SLC4A10: variants seen among roughly 807,000 people sequenced by gnomAD.
The protein encoded by SLC4A10 is sodium-driven chloride bicarbonate exchanger.
A neutral mutation model predicts 137.7 loss-of-function variants in SLC4A10; 42 were observed. The ratio of observed to expected loss-of-function variants is 0.30; its 90% CI spans 0.24 to 0.39. SLC4A10 has a LOEUF of 0.39. Ranked by LOEUF, SLC4A10 falls within the 10% of genes least tolerant of loss-of-function variation. The pLI, the probability that SLC4A10 is intolerant of heterozygous loss-of-function variation, is 1.00. For synonymous variants in SLC4A10, 474 were observed against 464.1 expected (o/e 1.02, Z -0.27); for missense variants, 925 against 1,355.0 (o/e 0.68, Z 4.98).
chr2:161,782,485 T>C (rs1171032147), intron 2 of SLC4A10, among the ~76,000 whole-genome samples: 4 of 151,336 alleles, frequency 2.6e-5, no homozygotes, highest in African/African-American at 4.9e-5. Context: ...GAAAATGTGT[T>C]CCAAACTAGG....
intron 15 of SLC4A10, among the ~76,000 whole-genome samples, chr2:161,928,570 AT>A (rs1413664977): frequency 6.7e-6 from 1 of 149,758 alleles, no homozygotes; most frequent in African/African-American, 2.4e-5. Flanking sequence ...TATCTTGAAA[AT>A]TAAAAAAAAA....
chr2:161,929,324 A>C (rs1689879668), intron 15 of SLC4A10, among the ~76,000 whole-genome samples: 1 of 152,234 alleles, frequency 6.6e-6, no homozygotes, highest in Admixed American at 6.5e-5. Flanking sequence ...ATGCTGGGTT[A>C]GGAACCGAGG....
At chr2:161,649,636 A>G (rs189251523) in intron 1 of SLC4A10, among the ~76,000 whole-genome samples, 3 of 150,158 alleles carry the variant, frequency 2.0e-5, no homozygotes, top group Non-Finnish European at 4.5e-5. Context: ...TTGCCTGTTT[A>G]TTTGTGGAGT....
intron 3 of SLC4A10, among the ~76,000 whole-genome samples, chr2:161,810,454 G>T (rs959307349): frequency 6.6e-6 from 1 of 151,892 alleles, no homozygotes; most frequent in African/African-American, 2.4e-5. Flanking sequence ...GGTTCTCCAG[G>T]GGAATAGTTA....
rs779793479 is a variant in SLC4A10, at chr2:161,957,036, C to T, written c.2589C>T (p.Leu863=). 19 of 1,607,942 alleles carry T rather than the reference C, an allele frequency of 1.2e-5. No individual in the cohort carries two copies. Among genetic ancestry groups the T allele is most frequent in the Admixed American group, 1.7e-5 (1 of 59,186 alleles). The stretch of plus-strand genomic sequence containing the variant: ...ACCTATTAATGGTGGCTGTCATGCT[C>T]GGTGTATGCTCCATCATGGGCCTGC... ...HLDLLMVAVM[L]GVCSIMGLPW... Residue 863 remains leucine, a synonymous_variant, in exon 20 of 27, where the codon CTC becomes CTT. Transcript: ENST00000446997.
chr2:161,804,720 C>T (rs1054436263), intron 3 of SLC4A10, 125 bp downstream of exon 3: 33 of 842,070 alleles, frequency 3.9e-5, no homozygotes, highest in Admixed American at 3.1e-4. Context: ...GACTTTGGGC[C>T]GGTTGGAGAG....
chr2:161,872,441 A>G (rs2061187430), intron 7 of SLC4A10, 57 bp downstream of exon 7: 2 of 1,358,312 alleles, frequency 1.5e-6, no homozygotes, highest in Non-Finnish European at 2.1e-6. Context: ...AGAAATTACT[A>G]CCCATTTTAA....
Position 161,798,834 on chromosome 2 carries a change from G to A in SLC4A10, c.131-5615G>A, listed in dbSNP as rs1444588095. ...TATAGGCCTTCAGAAGGCCTATACAGGCTTTCTAACAGAGATTCTATAGGA... is the reference window on the plus strand; with the variant it reads ...TATAGGCCTTCAGAAGGCCTATACAAGCTTTCTAACAGAGATTCTATAGGA... On this transcript the variant is annotated intron_variant, in intron 2 of 26. Coordinates refer to ENST00000446997, the MANE Select transcript of SLC4A10 (RefSeq NM_001178015.2). 2.7e-5 allele frequency among the ~76,000 whole-genome samples: 4 copies of A among 149,522 alleles called. No individual in the cohort carries two copies. The Admixed American group carries it at 2.7e-4, about 10-fold the overall frequency.
At chr2:161,714,321 T>C (rs1482109295) in intron 1 of SLC4A10, among the ~76,000 whole-genome samples, 2 of 151,922 alleles carry the variant, frequency 1.3e-5, no homozygotes, top group Admixed American at 6.6e-5. Context: ...ACCTTGAATA[T>C]CATTGGGCTT....
intron 3 of SLC4A10, among the ~76,000 whole-genome samples, chr2:161,837,008 C>T (rs2058859557): frequency 6.6e-6 from 1 of 152,146 alleles, no homozygotes; most frequent in African/African-American, 2.4e-5. Flanking sequence ...GGGAAACTGA[C>T]ATCATACTTA....
At chr2:161,659,857 T>C (rs899661112) in intron 1 of SLC4A10, among the ~76,000 whole-genome samples, 3 of 152,266 alleles carry the variant, frequency 2.0e-5, no homozygotes, top group Non-Finnish European at 4.4e-5. Flanking sequence ...TGCTACGATA[T>C]GAATGAACCA....
At chr2:161,894,859 A>G (rs539868258) in intron 11 of SLC4A10, 34 bp downstream of exon 11, 2 of 1,290,522 alleles carry the variant, frequency 1.5e-6, no homozygotes, top group African/African-American at 3.1e-5. Flanking sequence ...TTGAAATTGA[A>G]TTTTTTTTTG....
intron 1 of SLC4A10, among the ~76,000 whole-genome samples, chr2:161,660,067 G>A (rs2038087524): frequency 6.6e-6 from 1 of 151,912 alleles, no homozygotes; most frequent in Non-Finnish European, 1.5e-5. Context: ...GGGGGGTGAT[G>A]GAAATGTTCT....
At chr2:161,726,627 C>T (rs775066086) in intron 1 of SLC4A10, among the ~76,000 whole-genome samples, 36 of 152,094 alleles carry the variant, frequency 2.4e-4, no homozygotes, top group Non-Finnish European at 3.8e-4. Context: ...AGAGAGAATT[C>T]GCCGGGTGCG....
chr2:161,728,886 A>T (rs567956315), intron 1 of SLC4A10, among the ~76,000 whole-genome samples: 7 of 152,222 alleles, frequency 4.6e-5, no homozygotes, highest in Non-Finnish European at 1.0e-4. Context: ...CTTGGGAATG[A>T]AAGGCTGGTT....
At chr2:161,874,346 A>G (rs1193277362) in intron 8 of SLC4A10, among the ~76,000 whole-genome samples, 1 of 152,188 alleles carries the variant, frequency 6.6e-6, no homozygotes, top group Non-Finnish European at 1.5e-5. Context: ...TTTCAAATAA[A>G]TTGTGATTTA....
chr2:161,719,217 T>C (rs1053736110), intron 1 of SLC4A10, among the ~76,000 whole-genome samples: 14 of 152,152 alleles, frequency 9.2e-5, no homozygotes, highest in African/African-American at 3.4e-4. Context: ...TCCATGTCCC[T>C]ACAAAGGACA....
intron 15 of SLC4A10, among the ~76,000 whole-genome samples, chr2:161,927,293 C>T (rs1162529996): frequency 2.0e-5 from 3 of 152,166 alleles, no homozygotes; most frequent in Non-Finnish European, 4.4e-5. Context: ...TTCCTTCTCA[C>T]TTCATTTCAT....
At chr2:161,864,743 A>T (rs953290729) in intron 6 of SLC4A10, among the ~76,000 whole-genome samples, 14 of 152,154 alleles carry the variant, frequency 9.2e-5, no homozygotes, top group Non-Finnish European at 1.9e-4. Context: ...TATTTAAAAC[A>T]TATTTATATT....
Sources: gnomAD v4.1 joint callset for allele counts (sites outside exome capture counted in the v4.1 genomes callset) on GRCh38, gnomAD v4.1.1 for gene constraint, MANE v1.5 for transcripts, NCBI Gene and HGNC (gene_info 2026-07-23, HGNC 2026-07-21) for gene names.